The following MIIP variants were observed in gnomAD, a reference collection of about 807,000 sequenced individuals.
The protein encoded by MIIP is migration and invasion-inhibitory protein.
In MIIP, 44 loss-of-function variants were observed where a neutral mutation model predicts 44.8. The ratio of observed to expected loss-of-function variants is 0.98; its 90% CI spans 0.77 to 1.26. The LOEUF (loss-of-function observed/expected upper bound fraction) is 1.26, where lower values mean the gene tolerates loss of function less well. MIIP is among the 50% of genes most tolerant of loss of function. The pLI is 0.00. For synonymous variants in MIIP, 225 were observed against 218.3 expected (o/e 1.03, Z -0.27); for missense variants, 496 against 511.7 (o/e 0.97, Z 0.30).
chr1:12,025,047 G>GT (rs1640075201), intron 4 of MIIP, among the ~76,000 whole-genome samples: 2 of 94,414 alleles, frequency 2.1e-5, no homozygotes, highest in Admixed American at 2.0e-4. Flanking sequence ...TTTGTTTTTT[G>GT]TTTTTTGTTG....
In MIIP at chr1:12,031,266, C is replaced by T. The variant is rs1253253153; in HGVS notation, c.943C>T (p.His315Tyr). Residue 315 changes from histidine (H) to tyrosine (Y), a missense_variant and splice_region_variant, in exon 9 of 10, where the codon CAC (histidine) becomes TAC (tyrosine). By Grantham distance (83) the His-to-Tyr change is moderately conservative (BLOSUM62 2). Transcript: ENST00000235332. ...ACTTTTAACTCCTTGCCTTCCACAG[C>T]ACTGCCTGCTGGGCTGGGACATTTT... The part of the protein sequence containing the change: ...DASDTLALPR[H>Y]CLLGWDIFPP... 1.2e-6 allele frequency: 2 copies of T among 1,613,070 alleles called. No homozygotes were observed. Among genetic ancestry groups the T allele is most frequent in the African/African-American group, 2.7e-5 (2 of 74,898 alleles).
intron 4 of MIIP, among the ~76,000 whole-genome samples, chr1:12,028,276 C>T (rs992377329): frequency 3.3e-5 from 5 of 152,206 alleles, no homozygotes; most frequent in Non-Finnish European, 7.3e-5. Flanking sequence ...CTCTCCCCAG[C>T]TGAATCCTAA....
At chr1:12,025,063 T>C (rs866423916) in intron 4 of MIIP, among the ~76,000 whole-genome samples, 2 of 151,330 alleles carry the variant, frequency 1.3e-5, no homozygotes, top group African/African-American at 4.9e-5. Context: ...TGTTGTTGTT[T>C]TTTTTGTTTG....
chr1:12,030,426 C>T lies in MIIP; in HGVS notation c.942+302C>T, dbSNP rs115335586. Among the ~76,000 whole-genome samples the T allele has an allele frequency of 6.4e-3, 971 of 152,114 alleles. 8 individuals are homozygous for T. Among genetic ancestry groups the T allele is most frequent in the African/African-American group, 0.022 (909 of 41,538 alleles). On this transcript the variant is annotated intron_variant, in intron 8 of 9. Transcript: ENST00000235332. Reference sequence around the variant, plus strand: ...TCCTTAGGGGGCTTATCTCATGGAGCCCCCACAGCAGCCAGGAGTGTAGGC... The same window carrying T: ...TCCTTAGGGGGCTTATCTCATGGAGTCCCCACAGCAGCCAGGAGTGTAGGC...
intron 3 of MIIP, 78 bp from the exon 4 acceptor site, chr1:12,022,755 C>A: frequency 8.8e-7 from 1 of 1,130,520 alleles, no homozygotes. Context: ...GACACAGTCT[C>A]TCTGTCCCTC....
rs996445916 is a variant in MIIP at position 12,029,215 on chromosome 1, C to T, written c.657-8C>T. The T allele has an allele frequency of 6.2e-7, 1 of 1,613,692 alleles. No individual in the cohort carries two copies. Among genetic ancestry groups the T allele is most frequent in the Non-Finnish European group, 8.5e-7 (1 of 1,179,860 alleles). On this transcript the variant is annotated splice_region_variant and splice_polypyrimidine_tract_variant and intron_variant, in intron 5 of 9. Transcript: ENST00000235332. ...CCCCCGGCCTGCTCATCCCCCTCGC[C>T]CTCTCAGACCCCAGTTGCCAGGCCT...
At position 12,029,019 on chromosome 1, in the gene MIIP, T is replaced by C; in HGVS notation, c.548-14T>C. The C allele has an allele frequency of 1.9e-6, 3 of 1,603,266 alleles. No individual in the cohort carries two copies. Among genetic ancestry groups the C allele is most frequent in the Non-Finnish European group, 2.6e-6 (3 of 1,170,236 alleles). On this transcript the variant is annotated splice_polypyrimidine_tract_variant and intron_variant, in intron 4 of 9. Coordinates refer to ENST00000235332, the MANE Select transcript of MIIP (RefSeq NM_021933.4). ...CCCTCTCCCGTCAGCTGCCTGGTGCTTTGCCCACACCAGGGTCTCTGGACA... is the reference window on the plus strand; with the variant it reads ...CCCTCTCCCGTCAGCTGCCTGGTGCCTTGCCCACACCAGGGTCTCTGGACA...
In MIIP at chr1:12,021,797, G is replaced by A. The variant is rs751627862; in HGVS notation, c.71G>A (p.Gly24Glu). The A allele has an allele frequency of 1.2e-6, 2 of 1,612,650 alleles. No individual in the cohort carries two copies. The highest frequency in any genetic ancestry group is 1.7e-4 in the Middle Eastern group (1 of 5,730). ...NLELLRQLWV[G>E]QDAVRRSVAR... ...GAGCTCCTGAGGCAGCTGTGGGTGGGGCAGGATGCTGTGCGGCGGTCAGTG... is the reference window on the plus strand; with the variant it reads ...GAGCTCCTGAGGCAGCTGTGGGTGGAGCAGGATGCTGTGCGGCGGTCAGTG... The change falls in exon 2 of 10, where the codon GGG (glycine) becomes GAG (glutamate). Residue 24 changes from glycine to glutamate, a missense_variant. Transcript: ENST00000235332.
At chr1:12,030,209 G>C (rs1311611620) in intron 8 of MIIP, 85 bp downstream of exon 8, 1 of 1,306,762 alleles carries the variant, frequency 7.7e-7, no homozygotes, top group Non-Finnish European at 1.1e-6. Context: ...CACAGAGCGA[G>C]ACTGGGCTCG....
intron 4 of MIIP, chr1:12,023,958 C>T (rs1192582874): frequency 6.6e-6 from 1 of 152,204 alleles, no homozygotes; most frequent in Non-Finnish European, 1.5e-5. Flanking sequence ...TGCACCACTG[C>T]ACTCCAGCCT....
At chr1:12,026,059 A>C (rs1450905364) in intron 4 of MIIP, among the ~76,000 whole-genome samples, 4 of 149,972 alleles carry the variant, frequency 2.7e-5, no homozygotes, top group African/African-American at 9.8e-5. Flanking sequence ...AATCCCAGCA[A>C]TTTGGGAGGC....
At position 12,031,345 on chromosome 1, in the gene MIIP, CTG is replaced by C; in HGVS notation, c.1024_1025del (p.Val342LeufsTer3). 1 of 1,613,966 alleles carries C rather than the reference CTG, an allele frequency of 6.2e-7. No individual in the cohort carries two copies. The highest frequency in any genetic ancestry group is 8.5e-7 in the Non-Finnish European group (1 of 1,179,934). ...CCCAGGAACCTGGACCTCTGGTCCT[CTG>C]TCTCCGCTGAGGCCCAGCACCAGAA... On this transcript the variant is annotated frameshift_variant, in exon 9 of 10. Coordinates refer to ENST00000235332, the MANE Select transcript of MIIP (RefSeq NM_021933.4). LOFTEE classifies it high-confidence loss of function.
intron 1 of MIIP, 38 bp downstream of exon 1, chr1:12,019,590 G>A (rs1405202083): frequency 6.6e-6 from 1 of 152,576 alleles, no homozygotes; most frequent in Non-Finnish European, 1.5e-5. Flanking sequence ...GGGGCGGAAG[G>A]GCTCGGCAGG....
intron 2 of MIIP, 72 bp downstream of exon 2, chr1:12,021,912 C>G: frequency 7.3e-7 from 1 of 1,371,052 alleles, no homozygotes; most frequent in Non-Finnish European, 9.9e-7. Context: ...GGCTTCTGGG[C>G]TCATCTTGTT....
intron 3 of MIIP, 28 bp from the exon 4 acceptor site, chr1:12,022,805 C>T: frequency 6.4e-7 from 1 of 1,566,864 alleles, no homozygotes; most frequent in Non-Finnish European, 8.7e-7. Flanking sequence ...TTGGCTTAGT[C>T]CTTGTCCCTC....
rs1640244767 is a variant in MIIP at position 12,031,619 on chromosome 1, A to C, written c.1081-103A>C. On this transcript the variant is annotated intron_variant, in intron 9 of 9. Transcript: ENST00000235332. ...TGCCGCCTGCCCTGCTCCACCCAGGAAGGCCACCCTGACTGCAAGATCCAG... is the reference window on the plus strand; with the variant it reads ...TGCCGCCTGCCCTGCTCCACCCAGGCAGGCCACCCTGACTGCAAGATCCAG... The C allele has an allele frequency of 1.3e-5, 21 of 1,612,590 alleles. No homozygotes were observed. In the South Asian group the frequency reaches 2.3e-4, roughly 18 times the overall value.
At chr1:12,030,266 C>A in intron 8 of MIIP, 142 bp downstream of exon 8, 1 of 754,232 alleles carries the variant, frequency 1.3e-6, no homozygotes, top group Non-Finnish European at 2.2e-6. Flanking sequence ...GGGCCTCTTC[C>A]ATCACCCACA....
intron 4 of MIIP, among the ~76,000 whole-genome samples, chr1:12,023,449 G>A (rs1640029697): frequency 6.7e-6 from 1 of 148,606 alleles, no homozygotes. Flanking sequence ...TGTCGCCCAG[G>A]CTGGAGTGAA....
Position 12,029,874 on chromosome 1 carries a change from G to A in MIIP, c.825G>A (p.Leu275=), listed in dbSNP as rs1215229594. ...TPRDQQGPGT[L]AQPAHVRVSI... is the part of the protein sequence containing the mutation. Reference sequence around the variant, plus strand: ...GAGACCAGCAGGGCCCTGGGACCCTGGCGCAGCCAGCGCACGTCAGGTGAG... The same window carrying A: ...GAGACCAGCAGGGCCCTGGGACCCTAGCGCAGCCAGCGCACGTCAGGTGAG... The change falls in exon 7 of 10, where the codon CTG becomes CTA. Residue 275 remains leucine, a synonymous_variant. Transcript: ENST00000235332. 6.2e-7 allele frequency: 1 copy of A among 1,612,986 alleles called. No individual in the cohort carries two copies. Among genetic ancestry groups the A allele is most frequent in the East Asian group, 2.2e-5 (1 of 44,846 alleles).
Sources: allele counts gnomAD v4.1 joint callset (sites outside exome capture counted in the v4.1 genomes callset), GRCh38; gene constraint gnomAD v4.1.1; transcripts MANE v1.5; gene names NCBI Gene and HGNC (gene_info 2026-07-23, HGNC 2026-07-21).